Variants in ADGRV1 observed in about 807,000 individuals in gnomAD.
The protein encoded by ADGRV1 is G-protein coupled receptor 98.
ADGRV1 carries 359 observed loss-of-function variants against 596.2 expected under a neutral mutation model. The ratio of observed to expected loss-of-function variants is 0.60; its 90% confidence interval spans 0.55 to 0.66. The LOEUF (loss-of-function observed/expected upper bound fraction) is 0.66. ADGRV1 is among the 30% of genes least tolerant of loss of function. The pLI is 0.00. For synonymous variants in ADGRV1, 2,681 were observed against 2,679.2 expected (o/e 1.00, Z -0.02); for missense variants, 7,274 against 7,575.6 (o/e 0.96, Z 1.48).
At chr5:90,936,897 T>G (rs1775741065) in intron 83 of ADGRV1, among the ~76,000 whole-genome samples, 1 of 152,142 alleles carries the variant, frequency 6.6e-6, no homozygotes, top group Admixed American at 6.5e-5. Context: ...GTCTAAAATG[T>G]CTTTATTTTG....
chr5:90,733,877 C>G (rs1052263711), intron 50 of ADGRV1, among the ~76,000 whole-genome samples: 3 of 150,468 alleles, frequency 2.0e-5, no homozygotes, highest in Non-Finnish European at 4.4e-5. Flanking sequence ...CTCAAAAATT[C>G]CTCCTGTCTA....
At chr5:90,758,655 A>G (rs1756108917) in intron 57 of ADGRV1, among the ~76,000 whole-genome samples, 1 of 152,122 alleles carries the variant, frequency 6.6e-6, no homozygotes, top group Non-Finnish European at 1.5e-5. Flanking sequence ...CAGGTTTTTC[A>G]CTTTTCTCTG....
rs1338136143 is a variant in ADGRV1 at position 90,595,568 on chromosome 5, C to T, written c.23-19267C>T. Among the ~76,000 whole-genome samples, 3 of 134,240 alleles carry T rather than the reference C, an allele frequency of 2.2e-5. No individual in the cohort carries two copies. The East Asian group carries it at 6.8e-4, about 31-fold the overall frequency. 88.1% of individuals were successfully genotyped at this position (134,240 alleles called of 152,430 possible). A position where few individuals can be genotyped will look rare whatever the true frequency, so the allele number is the denominator to read the frequency against. ...GGCGGCTGGCCGGGCGGGGGGCTGACCCCCCAACCTCCCTCCCAGATGGGG... is the reference window on the plus strand; with the variant it reads ...GGCGGCTGGCCGGGCGGGGGGCTGATCCCCCAACCTCCCTCCCAGATGGGG... On this transcript the variant is annotated intron_variant, in intron 1 of 89. Transcript: ENST00000405460.
At chr5:90,984,469 C>T (rs748694058) in intron 84 of ADGRV1, among the ~76,000 whole-genome samples, 29 of 152,092 alleles carry the variant, frequency 1.9e-4, no homozygotes, top group Non-Finnish European at 3.1e-4. Flanking sequence ...TTTTCTTACT[C>T]TTATTTATTT....
chr5:90,833,181 T>G (rs907925804), intron 77 of ADGRV1, among the ~76,000 whole-genome samples: 1 of 152,188 alleles, frequency 6.6e-6, no homozygotes, highest in South Asian at 2.1e-4. Context: ...TAGATTGCTT[T>G]GGGTAGTATG....
At chr5:91,087,156 T>C (rs1354704261) in intron 86 of ADGRV1, among the ~76,000 whole-genome samples, 1 of 152,236 alleles carries the variant, frequency 6.6e-6, no homozygotes, top group East Asian at 1.9e-4. Context: ...TAATCATCAA[T>C]AGGAAGAACC....
chr5:91,112,434 C>G (rs1479060258), intron 87 of ADGRV1, among the ~76,000 whole-genome samples: 1 of 152,096 alleles, frequency 6.6e-6, no homozygotes, highest in East Asian at 1.9e-4. Flanking sequence ...CTCTGTGAGC[C>G]TTTACTTTGC....
chr5:91,004,510 C>T (rs545508457), intron 85 of ADGRV1, among the ~76,000 whole-genome samples: 2 of 151,938 alleles, frequency 1.3e-5, no homozygotes, highest in Non-Finnish European at 2.9e-5. Flanking sequence ...TGGTGATAAA[C>T]TAGAAGATTA....
At position 90,774,227 on chromosome 5, in the gene ADGRV1, C is replaced by T; in HGVS notation, c.12327C>T (p.Asp4109=). The change falls in exon 60 of 90, where the codon GAC becomes GAT. Residue 4109 remains aspartate (D), a synonymous_variant. Transcript: ENST00000405460. ...QKTIVLHTLQ[D]TVLEEDRRFT... ...CCATTGTGTTGCACACACTTCAAGA[C>T]ACAGTGTTGGAGGAGGACAGGCGTT... is the stretch of plus-strand genomic sequence containing the variant. The T allele has an allele frequency of 5.0e-6, 8 of 1,611,004 alleles. No homozygotes were observed. The highest frequency in any genetic ancestry group is 6.8e-6 in the Non-Finnish European group (8 of 1,177,434).
intron 34 of ADGRV1, among the ~76,000 whole-genome samples, chr5:90,700,722 G>A (rs916650383): frequency 2.6e-5 from 4 of 152,156 alleles, no homozygotes; most frequent in East Asian, 1.9e-4. Context: ...ATATAGAACC[G>A]CTCTACTGGA....
At chr5:90,787,590 CTTTTTTTTTT>C (rs35504697) in intron 67 of ADGRV1, among the ~76,000 whole-genome samples, 1 of 118,906 alleles carries the variant, frequency 8.4e-6, no homozygotes, top group African/African-American at 3.0e-5. Context: ...TTCTTTCTTT[CTTTTTTTTTT>C]TTTTTTTTGA....
intron 83 of ADGRV1, among the ~76,000 whole-genome samples, chr5:90,917,202 T>G (rs111283921): frequency 0.013 from 1,965 of 152,240 alleles, 18 homozygotes; most frequent in Non-Finnish European, 0.021. Flanking sequence ...GAATTATCGA[T>G]TACTAAACTC....
intron 87 of ADGRV1, among the ~76,000 whole-genome samples, chr5:91,148,445 C>T (rs567098200): frequency 2.1e-4 from 32 of 152,364 alleles, no homozygotes; most frequent in African/African-American, 7.2e-4. Flanking sequence ...CCAGAGGGTG[C>T]AAGCCCCCAC....
intron 86 of ADGRV1, among the ~76,000 whole-genome samples, chr5:91,095,220 T>C (rs565670531): frequency 4.6e-5 from 7 of 152,008 alleles, no homozygotes; most frequent in Non-Finnish European, 8.8e-5. Flanking sequence ...TTTTTTTTTT[T>C]ACACGGGGTC....
At chr5:90,735,626 C>A (rs1162027217) in intron 50 of ADGRV1, among the ~76,000 whole-genome samples, 1 of 152,068 alleles carries the variant, frequency 6.6e-6, no homozygotes, top group African/African-American at 2.4e-5. Context: ...TAACAATATT[C>A]ATTCCTTCAA....
At chr5:90,909,954 T>C (rs1442556870) in intron 83 of ADGRV1, among the ~76,000 whole-genome samples, 1 of 152,252 alleles carries the variant, frequency 6.6e-6, no homozygotes, top group African/African-American at 2.4e-5. Flanking sequence ...AGTCACCCCA[T>C]GTGTCAGTTG....
chr5:90,632,347 G>A (rs1281294974), intron 9 of ADGRV1, among the ~76,000 whole-genome samples: 1 of 152,138 alleles, frequency 6.6e-6, no homozygotes, highest in Non-Finnish European at 1.5e-5. Flanking sequence ...AATTGATGAT[G>A]CAGAAATGTT....
intron 20 of ADGRV1, among the ~76,000 whole-genome samples, chr5:90,657,396 T>G (rs749881068): frequency 2.5e-4 from 38 of 152,192 alleles, no homozygotes; most frequent in Admixed American, 8.5e-4. Flanking sequence ...GCTATTAACA[T>G]GCCATTGCAC....
In ADGRV1 at chr5:90,720,993, A is replaced by G; in HGVS notation, c.9682A>G (p.Thr3228Ala). 2 of 1,612,888 alleles carry G rather than the reference A, an allele frequency of 1.2e-6. No individual in the cohort carries two copies. The highest frequency in any genetic ancestry group is 1.7e-6 in the Non-Finnish European group (2 of 1,179,120). The change falls in exon 45 of 90, where the codon ACT becomes GCT. Residue 3228 changes from threonine to alanine, a missense_variant. Coordinates refer to ENST00000405460, the MANE Select transcript of ADGRV1 (RefSeq NM_032119.4). Reference protein sequence around the residue: ...NRTVYLNVSRTNGIDLAVSVQ... With the variant: ...NRTVYLNVSRANGIDLAVSVQ... ...GACCGTGTATTTAAATGTATCTCGA[A>G]CTAATGGCATTGATTTGGCTGTGAG...
Sources: gnomAD v4.1 joint callset for allele counts (sites outside exome capture counted in the v4.1 genomes callset) on GRCh38, gnomAD v4.1.1 for gene constraint, MANE v1.5 for transcripts, NCBI Gene and HGNC (gene_info 2026-07-23, HGNC 2026-07-21) for gene names.